The following SV2B variants were observed in gnomAD, a reference collection of about 807,000 sequenced individuals.
SV2B encodes the protein synaptic vesicle glycoprotein 2B.
In SV2B, 41 loss-of-function variants were observed where a neutral mutation model predicts 73.9. That is an observed-to-expected ratio of 0.56 (90% CI 0.43 to 0.72). SV2B has a LOEUF of 0.72. Ranked by LOEUF, SV2B falls within the 30% of genes least tolerant of loss-of-function variation. The pLI, the probability that SV2B is intolerant of heterozygous loss-of-function variation, is 0.00. For synonymous variants in SV2B, 314 were observed against 314.2 expected (o/e 1.00, Z 0.01); for missense variants, 764 against 857.8 (o/e 0.89, Z 1.37).
At chr15:91,180,284 C>G (rs1258976322) in intron 1 of SV2B, among the ~76,000 whole-genome samples, 2 of 152,132 alleles carry the variant, frequency 1.3e-5, no homozygotes, top group Non-Finnish European at 1.5e-5. Flanking sequence ...GATGGGCTTC[C>G]CTTTGTGGGT....
rs575299588 is a variant in SV2B, at chr15:91,220,487, A to G, written c.-391-5386A>G. Among the ~76,000 whole-genome samples the G allele has an allele frequency of 7.9e-5, 12 of 152,384 alleles. No homozygotes were observed. Among genetic ancestry groups the G allele is most frequent in the African/African-American group, 2.4e-4 (10 of 41,602 alleles). On this transcript the variant is annotated intron_variant, in intron 1 of 12. Coordinates refer to ENST00000394232, the MANE Select transcript of SV2B (RefSeq NM_001323032.3). This position sits in a 1 kb window ranked among gnomAD's most constrained non-coding sequence, Gnocchi z 4.1. ...CTGAAAGGAGAATATTAAAAGCCTA[A>G]TGCTCTACAGAACAGATTTTGGGAA...
chr15:91,268,710 G>A lies in SV2B; in HGVS notation c.1373+105G>A, dbSNP rs72655643. 12,278 of 1,428,524 alleles carry A rather than the reference G, an allele frequency of 8.6e-3. 67 individuals are homozygous for A. Among genetic ancestry groups the A allele is most frequent in the Non-Finnish European group, 0.01 (10,903 of 1,058,274 alleles). 88.5% of individuals were successfully genotyped at this position (1,428,524 alleles called of 1,614,324 possible). On this transcript the variant is annotated intron_variant, in intron 9 of 12. Transcript: ENST00000394232. This position sits in a 1 kb window ranked among gnomAD's most constrained non-coding sequence, Gnocchi z 4.4. ...ATAAGAATCAAATATGGCCGGGAAT[G>A]AGCGCCAAGGCTGGTGTCATCATCA... is the stretch of plus-strand genomic sequence containing the variant.
At chr15:91,109,431 C>CTAGGTGTGA (rs2041977685) in intron 1 of SV2B, among the ~76,000 whole-genome samples, 1 of 152,164 alleles carries the variant, frequency 6.6e-6, no homozygotes, top group African/African-American at 2.4e-5. Context: ...CAAAACTCAC[C>CTAGGTGTGA]TAGGTGTGAT....
intron 1 of SV2B, among the ~76,000 whole-genome samples, chr15:91,188,531 G>A (rs1246124878): frequency 6.6e-6 from 1 of 151,958 alleles, no homozygotes; most frequent in Non-Finnish European, 1.5e-5. Context: ...TGGCCAGGAT[G>A]GTCTCGATCT....
chr15:91,227,048 G>T lies in SV2B; in HGVS notation c.451+334G>T, dbSNP rs1355232249. On this transcript the variant is annotated intron_variant, in intron 2 of 12. Coordinates refer to ENST00000394232, the MANE Select transcript of SV2B (RefSeq NM_001323032.3). The surrounding 1 kb of genome is among the most constrained non-coding windows in gnomAD (Gnocchi z 4.5). Reference sequence around the variant, plus strand: ...TACATTTTGGGAGTGGCAAATGTGGGAGTGGCAAATTAAACCTTCTTCCAT... The same window carrying T: ...TACATTTTGGGAGTGGCAAATGTGGTAGTGGCAAATTAAACCTTCTTCCAT... Among the ~76,000 whole-genome samples, 1 of 152,172 alleles carries T rather than the reference G, an allele frequency of 6.6e-6. No homozygotes were observed. Among genetic ancestry groups the T allele is most frequent in the Non-Finnish European group, 1.5e-5 (1 of 68,038 alleles).
At position 91,295,306 on chromosome 15, in the gene SV2B, T is replaced by C. The variant is rs1596817509; in HGVS notation, c.*2754T>C. ...AAAGAGGTGTGCCTATCTGTGAAGTTTGTAGTACATCATCCTGAGGTCATG... is the reference window on the plus strand; with the variant it reads ...AAAGAGGTGTGCCTATCTGTGAAGTCTGTAGTACATCATCCTGAGGTCATG... On this transcript the variant is annotated 3_prime_UTR_variant, in exon 13 of 13. Transcript: ENST00000394232. 6.6e-6 allele frequency: 1 copy of C among 152,108 alleles called. No homozygotes were observed. The highest frequency in any genetic ancestry group is 2.4e-5 in the African/African-American group (1 of 41,432). The allele number at this position is 152,108 out of a possible 1,614,324, so 9.4% of individuals were successfully genotyped here. A position where few individuals can be genotyped will look rare whatever the true frequency, so the allele number is the denominator to read the frequency against.
In SV2B at chr15:91,266,789, C is replaced by G. The variant is rs941718829; in HGVS notation, c.1119+97C>G. ...GCAGCTCCTGAACATCCCCACCAAC[C>G]TGGGCCAGCGTGATGGAGAGGAAGC... On this transcript the variant is annotated intron_variant, in intron 7 of 12. Coordinates refer to ENST00000394232, the MANE Select transcript of SV2B (RefSeq NM_001323032.3). The G allele has an allele frequency of 3.0e-6, 3 of 1,008,786 alleles. No homozygotes were observed. The East Asian group carries it at 8.0e-5, about 27-fold the overall frequency. 62.5% of individuals were successfully genotyped at this position (1,008,786 alleles called of 1,614,324 possible).
At chr15:91,206,254 C>G (rs188065101) in intron 1 of SV2B, among the ~76,000 whole-genome samples, 71 of 142,794 alleles carry the variant, frequency 5.0e-4, no homozygotes, top group African/African-American at 1.8e-3. Context: ...GTAGCCCAGG[C>G]TGTTCTTGAA....
chr15:91,133,982 C>G (rs2042734976), intron 1 of SV2B, among the ~76,000 whole-genome samples: 1 of 146,002 alleles, frequency 6.8e-6, no homozygotes, highest in Non-Finnish European at 1.5e-5. Flanking sequence ...CCTCCCATGC[C>G]TCTTCACCAC....
In SV2B at chr15:91,241,399, G is replaced by T. The variant is rs1415775427; in HGVS notation, c.452-10420G>T. On this transcript the variant is annotated intron_variant, in intron 2 of 12. Transcript: ENST00000394232. The surrounding 1 kb of genome is among the most constrained non-coding windows in gnomAD (Gnocchi z 4.8). ...TCAGGAACACAGAACATACAATGTT[G>T]CCCACTGGCCTCACTAAATTGATGA... Among the ~76,000 whole-genome samples the T allele has an allele frequency of 6.6e-6, 1 of 152,078 alleles. No homozygotes were observed. Among genetic ancestry groups the T allele is most frequent in the Non-Finnish European group, 1.5e-5 (1 of 68,028 alleles).
chr15:91,177,065 T>G (rs1338579041), intron 1 of SV2B, among the ~76,000 whole-genome samples: 1 of 150,016 alleles, frequency 6.7e-6, no homozygotes, highest in Non-Finnish European at 1.5e-5. Flanking sequence ...AATTAATTTT[T>G]GTATAAGGTG....
rs139225985 is a variant in SV2B at position 91,167,701 on chromosome 15, T to C, written c.-391-58172T>C. ...AACTTCATTACATTTGCAAAATCCC[T>C]TTTACCATGCAAGGTAACATATTCA... On this transcript the variant is annotated intron_variant, in intron 1 of 12. Transcript: ENST00000394232. Among the ~76,000 whole-genome samples, 155 of 152,314 alleles carry C rather than the reference T, an allele frequency of 1.0e-3. 1 individual carries two copies. Among genetic ancestry groups the C allele is most frequent in the African/African-American group, 3.5e-3 (146 of 41,570 alleles).
chr15:91,243,641 A>G (rs2047110508), intron 2 of SV2B, among the ~76,000 whole-genome samples: 1 of 152,080 alleles, frequency 6.6e-6, no homozygotes, highest in Non-Finnish European at 1.5e-5. Context: ...TTGGCCCAGA[A>G]TGTTGTCTCA....
Position 91,267,606 on chromosome 15 carries a change from C to T in SV2B, c.1171C>T (p.Leu391=), listed in dbSNP as rs768235561. Residue 391 remains leucine (L), a synonymous_variant, in exon 8 of 13, where the codon CTG becomes TTG. Transcript: ENST00000394232. The surrounding 1 kb of genome is among the most constrained non-coding windows in gnomAD (Gnocchi z 4.3). ...GATGGGGCCCTACAGAATGAATACA[C>T]TGATTCTGGCCGTGGTTTGGTTTGC... The part of the protein sequence containing the change: ...CVMGPYRMNT[L]ILAVVWFAMA... 1 of 1,613,298 alleles carries T rather than the reference C, an allele frequency of 6.2e-7. No individual in the cohort carries two copies. Among genetic ancestry groups the T allele is most frequent in the Non-Finnish European group, 8.5e-7 (1 of 1,179,616 alleles).
chr15:91,248,507 C>T (rs762072277), intron 2 of SV2B, among the ~76,000 whole-genome samples: 1 of 152,158 alleles, frequency 6.6e-6, no homozygotes, highest in Non-Finnish European at 1.5e-5. Flanking sequence ...TGGAGATCAT[C>T]TCTAGTTCAG....
chr15:91,153,109 GC>G (rs2043365143), intron 1 of SV2B, among the ~76,000 whole-genome samples: 1 of 152,094 alleles, frequency 6.6e-6, no homozygotes, highest in South Asian at 2.1e-4. Context: ...TCCTTATATG[GC>G]AGGGGAGATG....
Position 91,245,522 on chromosome 15 carries a change from G to C in SV2B, c.452-6297G>C, listed in dbSNP as rs1371076458. ...TTGCTTTACCTTTTATACATTTTGG[G>C]GGGTATTCCTCAGATTTTCTTACAG... On this transcript the variant is annotated intron_variant, in intron 2 of 12. Coordinates refer to ENST00000394232, the MANE Select transcript of SV2B (RefSeq NM_001323032.3). The surrounding 1 kb of genome is among the most constrained non-coding windows in gnomAD (Gnocchi z 4.2). 6.6e-6 allele frequency among the ~76,000 whole-genome samples: 1 copy of C among 152,122 alleles called. No individual in the cohort carries two copies. Among genetic ancestry groups the C allele is most frequent in the African/African-American group, 2.4e-5 (1 of 41,402 alleles).
chr15:91,198,071 T>C (rs1302496623), intron 1 of SV2B, among the ~76,000 whole-genome samples: 1 of 152,120 alleles, frequency 6.6e-6, no homozygotes, highest in East Asian at 1.9e-4. Context: ...ACCTATTTGA[T>C]GAACACATTA....
At position 91,122,052 on chromosome 15, in the gene SV2B, G is replaced by A. The variant is rs2042353608; in HGVS notation, c.-392+21689G>A. On this transcript the variant is annotated intron_variant, in intron 1 of 12. Transcript: ENST00000394232. The surrounding 1 kb of genome is among the most constrained non-coding windows in gnomAD (Gnocchi z 4.3). ...GCCTCCCAAAGTGCTGGGATTACAG[G>A]CGTGAGCCACTGCGCCCGGCCCAAT... is the stretch of plus-strand genomic sequence containing the variant. 6.6e-6 allele frequency among the ~76,000 whole-genome samples: 1 copy of A among 152,150 alleles called. No homozygotes were observed. Among genetic ancestry groups the A allele is most frequent in the Non-Finnish European group, 1.5e-5 (1 of 68,012 alleles).
Sources: allele counts gnomAD v4.1 joint callset (sites outside exome capture counted in the v4.1 genomes callset), GRCh38; gene constraint gnomAD v4.1.1; non-coding constraint Gnocchi (gnomAD v3.1); transcripts MANE v1.5; gene names NCBI Gene and HGNC (gene_info 2026-07-23, HGNC 2026-07-21).